Variants in ATP8A2 observed in about 807,000 individuals in gnomAD.
ATP8A2 encodes the protein phospholipid-transporting ATPase IB.
In ATP8A2, 100 loss-of-function variants were observed where a neutral mutation model predicts 165.6. The ratio of observed to expected loss-of-function variants is 0.60; its 90% confidence interval spans 0.51 to 0.71. ATP8A2 has a LOEUF of 0.71. Among genes scored for constraint, ATP8A2 ranks in the 30% least tolerant of loss-of-function variants. The pLI, the probability that ATP8A2 is intolerant of heterozygous loss-of-function variation, is 0.00. For synonymous variants in ATP8A2, 543 were observed against 548.8 expected (o/e 0.99, Z 0.15); for missense variants, 1,227 against 1,479.5 (o/e 0.83, Z 2.80).
intron 1 of ATP8A2, among the ~76,000 whole-genome samples, chr13:25,431,300 C>A (rs375703252): frequency 6.6e-6 from 1 of 152,098 alleles, no homozygotes; most frequent in East Asian, 1.9e-4. Context: ...AGGCATGCGC[C>A]ACGATGCCTG....
intron 1 of ATP8A2, among the ~76,000 whole-genome samples, chr13:25,402,266 T>G (rs543316565): frequency 6.6e-6 from 1 of 152,280 alleles, no homozygotes; most frequent in African/African-American, 2.4e-5. Context: ...TCTGGAATTT[T>G]TCATTTAATA....
chr13:25,776,320 C>T (rs2044740905), intron 27 of ATP8A2, among the ~76,000 whole-genome samples: 1 of 152,188 alleles, frequency 6.6e-6, no homozygotes, highest in African/African-American at 2.4e-5. Flanking sequence ...CTGAAACTGA[C>T]CCATTCTTCC....
intron 25 of ATP8A2, among the ~76,000 whole-genome samples, chr13:25,737,538 C>T (rs2043799411): frequency 6.6e-6 from 1 of 152,210 alleles, no homozygotes; most frequent in Admixed American, 6.5e-5. Context: ...CACACTCTAT[C>T]ACCCAGGCTG....
At chr13:25,414,946 ATACTT>A (rs1026928321) in intron 1 of ATP8A2, among the ~76,000 whole-genome samples, 10 of 152,166 alleles carry the variant, frequency 6.6e-5, no homozygotes, top group African/African-American at 2.4e-4. Flanking sequence ...TGCTGGGTAA[ATACTT>A]TACCAGGGGA....
intron 36 of ATP8A2, among the ~76,000 whole-genome samples, chr13:26,015,893 G>C (rs1268566956): frequency 6.6e-6 from 1 of 152,174 alleles, no homozygotes; most frequent in Admixed American, 6.5e-5. Context: ...CGAGCTCCCC[G>C]TTTGGATGCA....
intron 23 of ATP8A2, among the ~76,000 whole-genome samples, chr13:25,587,780 T>G (rs1244320257): frequency 6.6e-6 from 1 of 152,204 alleles, no homozygotes; most frequent in Non-Finnish European, 1.5e-5. Context: ...TAAGGACTTA[T>G]AGGAAGGAAG....
At chr13:25,883,880 G>A (rs188860328) in intron 33 of ATP8A2, among the ~76,000 whole-genome samples, 62 of 152,318 alleles carry the variant, frequency 4.1e-4, no homozygotes, top group African/African-American at 1.3e-3. Context: ...GACCTTGAGC[G>A]ACCTTCTTGG....
intron 1 of ATP8A2, among the ~76,000 whole-genome samples, chr13:25,426,547 T>C (rs1268006867): frequency 2.0e-5 from 3 of 152,222 alleles, no homozygotes; most frequent in African/African-American, 4.8e-5. Flanking sequence ...AGAACTACTC[T>C]GTGTGATACC....
At chr13:25,985,557 C>T (rs1015695388) in intron 35 of ATP8A2, among the ~76,000 whole-genome samples, 6 of 152,200 alleles carry the variant, frequency 3.9e-5, no homozygotes, top group Non-Finnish European at 8.8e-5. Flanking sequence ...CAGTCATGGT[C>T]GATCAATCCC....
Position 25,771,286 on chromosome 13 carries a change from C to T in ATP8A2, c.2568+2057C>T, listed in dbSNP as rs56728376. 1.0e-3 allele frequency among the ~76,000 whole-genome samples: 155 copies of T among 152,264 alleles called. No homozygotes were observed. The East Asian group carries it at 0.024, about 24-fold the overall frequency. On this transcript the variant is annotated intron_variant, in intron 26 of 36. Coordinates refer to ENST00000381655, the MANE Select transcript of ATP8A2 (RefSeq NM_016529.6). The stretch of plus-strand genomic sequence containing the variant: ...CGGACCTGAGTGTGAACTTGGGGGC[C>T]GGCCCCACGCACACCTGCCTGTTTA...
intron 16 of ATP8A2, among the ~76,000 whole-genome samples, chr13:25,569,132 C>T (rs1406128762): frequency 6.6e-6 from 1 of 152,096 alleles, no homozygotes; most frequent in African/African-American, 2.4e-5. Flanking sequence ...TTCTCAGGTA[C>T]AGGGGAAGGC....
intron 33 of ATP8A2, among the ~76,000 whole-genome samples, chr13:25,907,979 T>C (rs2762977): frequency 0.012 from 1,797 of 152,340 alleles, 29 homozygotes; most frequent in African/African-American, 0.041. Flanking sequence ...CCTGTTGGAT[T>C]GCTTGTTCAT....
chr13:25,564,001 C>T lies in ATP8A2; in HGVS notation c.1443C>T (p.Pro481=), dbSNP rs2039239197. Reference sequence around the variant, plus strand: ...GTGATTCCTGTGACTTTGATGACCCCAGGCTGTTGAAGAACATTGAGGATC... The same window carrying T: ...GTGATTCCTGTGACTTTGATGACCCTAGGCTGTTGAAGAACATTGAGGATC... ...PCSDSCDFDD[P]RLLKNIEDRH... is the part of the protein sequence containing the mutation. Residue 481 remains proline (P), a synonymous_variant, in exon 16 of 37, where the codon CCC becomes CCT. Transcript: ENST00000381655. 1.2e-6 allele frequency: 2 copies of T among 1,613,530 alleles called. No homozygotes were observed. Among genetic ancestry groups the T allele is most frequent in the South Asian group, 1.1e-5 (1 of 91,074 alleles).
intron 24 of ATP8A2, chr13:25,591,521 C>G (rs2040077818): frequency 2.7e-6 from 1 of 371,318 alleles, no homozygotes; most frequent in South Asian, 2.0e-5. Flanking sequence ...TATTCCATTG[C>G]ATGCCTATAC....
chr13:25,884,707 T>G (rs1054264910), intron 33 of ATP8A2, among the ~76,000 whole-genome samples: 1 of 152,204 alleles, frequency 6.6e-6, no homozygotes, highest in Non-Finnish European at 1.5e-5. Context: ...GAGACTCTCC[T>G]AAGCATGCTT....
intron 2 of ATP8A2, among the ~76,000 whole-genome samples, chr13:25,522,982 A>C (rs1445302022): frequency 6.6e-6 from 1 of 152,024 alleles, no homozygotes; most frequent in Non-Finnish European, 1.5e-5. Context: ...AGAGATAGCC[A>C]GGGGTAGTGG....
intron 33 of ATP8A2, among the ~76,000 whole-genome samples, chr13:25,925,451 G>A (rs761798254): frequency 3.3e-5 from 5 of 151,610 alleles, no homozygotes; most frequent in Non-Finnish European, 4.4e-5. Context: ...GGAGAATGGC[G>A]TGAGCTCTGG....
rs188946498 is a variant in ATP8A2 at position 25,534,594 on chromosome 13, G to C, written c.507+1281G>C. On this transcript the variant is annotated intron_variant, in intron 6 of 36. Coordinates refer to ENST00000381655, the MANE Select transcript of ATP8A2 (RefSeq NM_016529.6). ...AGCTTTGCAGACTCCTAAAACTCAT[G>C]ACTGTTTCCATCGTTCATTTGGGAG... Among the ~76,000 whole-genome samples, 228 of 152,316 alleles carry C rather than the reference G, an allele frequency of 1.5e-3. 1 individual carries two copies. Among genetic ancestry groups the C allele is most frequent in the African/African-American group, 5.1e-3 (213 of 41,578 alleles).
intron 24 of ATP8A2, among the ~76,000 whole-genome samples, chr13:25,635,772 A>G (rs1034200105): frequency 6.6e-6 from 1 of 152,246 alleles, no homozygotes; most frequent in Non-Finnish European, 1.5e-5. Context: ...TGGAACTGCT[A>G]TAATTATACT....
Sources: gnomAD v4.1 joint callset for allele counts (sites outside exome capture counted in the v4.1 genomes callset) on GRCh38, gnomAD v4.1.1 for gene constraint, MANE v1.5 for transcripts, NCBI Gene and HGNC (gene_info 2026-07-23, HGNC 2026-07-21) for gene names.